Variants in ZSCAN1 observed in about 807,000 individuals in gnomAD.
ZSCAN1 encodes zinc finger and SCAN domain-containing protein 1.
In ZSCAN1, 23 loss-of-function variants were observed where a neutral mutation model predicts 23.8. The ratio of observed to expected loss-of-function variants is 0.97; its 90% CI spans 0.70 to 1.37. The LOEUF (loss-of-function observed/expected upper bound fraction) is 1.37, where lower values mean the gene tolerates loss of function less well. Among genes scored for constraint, ZSCAN1 ranks in the 40% most tolerant of loss-of-function variants. ZSCAN1 has a pLI of 0.00. For synonymous variants in ZSCAN1, 236 were observed against 232.3 expected, an observed-to-expected ratio of 1.02 and a Z score of -0.15; for missense variants, 575 against 554.0, an observed-to-expected ratio of 1.04 and a Z score of -0.38.
chr19:58,040,564 CT>C lies in ZSCAN1; in HGVS notation c.465+21del, dbSNP rs1409578085. Reference sequence around the variant, plus strand: ...TCGCAGGTGAGCCCGGGGCCCCCAGCTCCGTGCTCCTGCACCCCAGGGCATG... The same window carrying C: ...TCGCAGGTGAGCCCGGGGCCCCCAGCCCGTGCTCCTGCACCCCAGGGCATG... On this transcript the variant is annotated intron_variant, in intron 4 of 5. Coordinates refer to ENST00000282326, the MANE Select transcript of ZSCAN1 (RefSeq NM_182572.4). This position sits in a 1 kb window ranked among gnomAD's most constrained non-coding sequence, Gnocchi z 5.8. 4.3e-6 allele frequency: 7 copies of C among 1,611,242 alleles called. No homozygotes were observed. Among genetic ancestry groups the C allele is most frequent in the Non-Finnish European group, 5.9e-6 (7 of 1,178,404 alleles).
intron 4 of ZSCAN1, chr19:58,044,840 G>A: frequency 1.3e-6 from 1 of 760,550 alleles, no homozygotes; most frequent in Non-Finnish European, 2.4e-6. Context: ...ACCGTGTCGA[G>A]AGCGCCATGG....
chr19:58,048,215 G>C (rs71333247), intron 4 of ZSCAN1, among the ~76,000 whole-genome samples: 2 of 152,180 alleles, frequency 1.3e-5, no homozygotes, highest in African/African-American at 4.8e-5. Context: ...ATTTGAGAAA[G>C]AAGTTTGTTT....
chr19:58,044,843 C>T (rs1599904636), intron 4 of ZSCAN1: 3 of 760,616 alleles, frequency 3.9e-6, no homozygotes, highest in Admixed American at 2.0e-5. Context: ...GTGTCGAGAG[C>T]GCCATGGACC....
At chr19:58,048,552 T>C (rs968435170) in intron 4 of ZSCAN1, among the ~76,000 whole-genome samples, 8 of 152,360 alleles carry the variant, frequency 5.3e-5, no homozygotes, top group Admixed American at 5.2e-4. Context: ...TGATCTCGGC[T>C]CACTGCAACC....
In ZSCAN1 at chr19:58,053,692, C is replaced by T. The variant is rs1568606780; in HGVS notation, c.868C>T (p.Arg290Trp). The T allele has an allele frequency of 5.0e-6, 8 of 1,614,138 alleles. No individual in the cohort carries two copies. The highest frequency in any genetic ancestry group is 4.5e-5 in the East Asian group (2 of 44,870). ...SVVPRGPRGG[R>W]PFQCADCGMV... is the part of the protein sequence containing the mutation. ...AGTGCCGCGTGGGCCCCGAGGTGGG[C>T]GGCCCTTCCAGTGTGCCGACTGTGG... Residue 290 changes from arginine to tryptophan, a missense_variant, in exon 6 of 6, where the codon CGG becomes TGG. Transcript: ENST00000282326. The surrounding 1 kb of genome is among the most constrained non-coding windows in gnomAD (Gnocchi z 5.8).
intron 4 of ZSCAN1, among the ~76,000 whole-genome samples, chr19:58,050,491 C>T (rs2073852153): frequency 6.6e-6 from 1 of 152,064 alleles, no homozygotes; most frequent in African/African-American, 2.4e-5. Context: ...CAGTAAGTTG[C>T]CAGGCATTCA....
intron 3 of ZSCAN1, 159 bp downstream of exon 3, chr19:58,038,365 T>C: frequency 2.1e-6 from 2 of 941,772 alleles, no homozygotes; most frequent in Non-Finnish European, 3.1e-6. Context: ...TAATTATTTT[T>C]ACATATAAAT....
intron 2 of ZSCAN1, among the ~76,000 whole-genome samples, chr19:58,036,538 CAG>C (rs1446958932): frequency 3.5e-5 from 4 of 114,886 alleles, no homozygotes; most frequent in Non-Finnish European, 5.0e-5. Flanking sequence ...TTTTTTGAGA[CAG>C]AGTCTTACTC....
chr19:58,040,829 C>T lies in ZSCAN1; in HGVS notation c.465+285C>T, dbSNP rs899004746. On this transcript the variant is annotated intron_variant, in intron 4 of 5. Coordinates refer to ENST00000282326, the MANE Select transcript of ZSCAN1 (RefSeq NM_182572.4). The surrounding 1 kb of genome is among the most constrained non-coding windows in gnomAD (Gnocchi z 5.8). ...AGCCTCGCAGTTAAGACCCATCCTC[C>T]TGTGTCACCCGCACCAGATGCTGCG... Among the ~76,000 whole-genome samples the T allele has an allele frequency of 2.0e-5, 3 of 152,356 alleles. No individual in the cohort carries two copies. The highest frequency in any genetic ancestry group is 2.0e-4 in the Admixed American group (3 of 15,306).
chr19:58,040,880 G>A lies in ZSCAN1; in HGVS notation c.465+336G>A, dbSNP rs1421745931. Among the ~76,000 whole-genome samples, 1 of 152,178 alleles carries A rather than the reference G, an allele frequency of 6.6e-6. No homozygotes were observed. The highest frequency in any genetic ancestry group is 2.1e-4 in the South Asian group (1 of 4,830). On this transcript the variant is annotated intron_variant, in intron 4 of 5. Coordinates refer to ENST00000282326, the MANE Select transcript of ZSCAN1 (RefSeq NM_182572.4). This position sits in a 1 kb window ranked among gnomAD's most constrained non-coding sequence, Gnocchi z 5.8. ...TGTGTTGAGAAAGTCCTGCTGCCCC[G>A]ATCATCTTCCCTCAGTGAACCCAGG...
intron 4 of ZSCAN1, among the ~76,000 whole-genome samples, chr19:58,050,385 A>G (rs149608389): frequency 3.0e-4 from 46 of 151,910 alleles, no homozygotes; most frequent in Middle Eastern, 6.8e-3. Flanking sequence ...GCAGTAAGCC[A>G]AGATTGCGCC....
intron 4 of ZSCAN1, 129 bp from the exon 5 acceptor site, chr19:58,052,361 G>A: frequency 1.4e-6 from 2 of 1,454,990 alleles, no homozygotes; most frequent in Admixed American, 2.0e-5. Flanking sequence ...GGAACAACAG[G>A]CGCGACACCG....
intron 2 of ZSCAN1, 107 bp from the exon 3 acceptor site, chr19:58,037,621 C>T (rs1250904179): frequency 9.6e-6 from 5 of 520,448 alleles, no homozygotes; most frequent in East Asian, 3.3e-5. Context: ...CAGGTTGGTT[C>T]CTTGGGGTGC....
In ZSCAN1 at chr19:58,047,302, CAG is replaced by C. The variant is rs942054789; in HGVS notation, c.466-5185_466-5184del. 6.6e-6 allele frequency among the ~76,000 whole-genome samples: 1 copy of C among 152,238 alleles called. No individual in the cohort carries two copies. Among genetic ancestry groups the C allele is most frequent in the Non-Finnish European group, 1.5e-5 (1 of 68,044 alleles). ...AGTTGGATCTGGGTCACTGTGGAGACAGAGGTATCTGCCATCTCTGTGGCCTC... is the reference window on the plus strand; with the variant it reads ...AGTTGGATCTGGGTCACTGTGGAGACAGGTATCTGCCATCTCTGTGGCCTC... On this transcript the variant is annotated intron_variant, in intron 4 of 5. Transcript: ENST00000282326. This position sits in a 1 kb window ranked among gnomAD's most constrained non-coding sequence, Gnocchi z 4.9.
chr19:58,039,960 T>C (rs1336161003), intron 3 of ZSCAN1, among the ~76,000 whole-genome samples: 1 of 152,012 alleles, frequency 6.6e-6, no homozygotes, highest in Non-Finnish European at 1.5e-5. Context: ...TCTCAAACTC[T>C]TGGGCTCAAG....
chr19:58,044,731 A>C (rs904681193), intron 4 of ZSCAN1: 2 of 741,422 alleles, frequency 2.7e-6, no homozygotes, highest in African/African-American at 1.7e-5. Context: ...GAGCTGCCCG[A>C]AAGTTTCATT....
At chr19:58,050,931 A>G (rs1240745971) in intron 4 of ZSCAN1, among the ~76,000 whole-genome samples, 1 of 152,112 alleles carries the variant, frequency 6.6e-6, no homozygotes, top group African/African-American at 2.4e-5. Flanking sequence ...CCCTGAAACA[A>G]TAAACCTGGG....
chr19:58,043,112 G>C (rs2073801478), intron 4 of ZSCAN1, among the ~76,000 whole-genome samples: 1 of 152,262 alleles, frequency 6.6e-6, no homozygotes, highest in African/African-American at 2.4e-5. Context: ...GGGGATTAGC[G>C]GGAGCGTAGG....
chr19:58,038,506 C>G, intron 3 of ZSCAN1: 1 of 563,044 alleles, frequency 1.8e-6, no homozygotes, highest in Non-Finnish European at 3.1e-6. Context: ...GGGAAGGACG[C>G]TGCCTCGCCA....
Sources: gnomAD v4.1 joint callset for allele counts (sites outside exome capture counted in the v4.1 genomes callset) on GRCh38, gnomAD v4.1.1 for gene constraint, Gnocchi (gnomAD v3.1) non-coding constraint, MANE v1.5 for transcripts, NCBI Gene and HGNC (gene_info 2026-07-23, HGNC 2026-07-21) for gene names.